The following ATP8A2 variants were observed in gnomAD, a reference collection of about 807,000 sequenced individuals.
ATP8A2 encodes phospholipid-transporting ATPase IB.
In ATP8A2, 100 loss-of-function variants were observed where a neutral mutation model predicts 165.6. The ratio of observed to expected loss-of-function variants is 0.60; its 90% CI spans 0.51 to 0.71. ATP8A2 has a LOEUF of 0.71. Ranked by LOEUF, ATP8A2 falls within the 30% of genes least tolerant of loss-of-function variation. ATP8A2 has a pLI of 0.00. For synonymous variants in ATP8A2, 543 were observed against 548.8 expected, an observed-to-expected ratio of 0.99 and a Z score of 0.15; for missense variants, 1,227 against 1,479.5, an observed-to-expected ratio of 0.83 and a Z score of 2.80.
chr13:25,597,873 T>A (rs983318026), intron 24 of ATP8A2, among the ~76,000 whole-genome samples: 19 of 152,214 alleles, frequency 1.2e-4, no homozygotes, highest in African/African-American at 3.9e-4. Flanking sequence ...TTTTTTAATT[T>A]TGTTGAAGTC....
At chr13:25,619,962 T>A (rs1442581101) in intron 24 of ATP8A2, among the ~76,000 whole-genome samples, 6 of 151,814 alleles carry the variant, frequency 4.0e-5, no homozygotes, top group Non-Finnish European at 7.4e-5. Context: ...AAGAGAGGAG[T>A]CACGAGAAAA....
chr13:25,932,048 CAAA>C (rs112829843), intron 33 of ATP8A2, among the ~76,000 whole-genome samples: 2 of 125,194 alleles, frequency 1.6e-5, no homozygotes. Context: ...AACTCCATCT[CAAA>C]AAAAAAAAAA....
At chr13:25,829,667 G>GGTATGTAT (rs1216186027) in intron 28 of ATP8A2, among the ~76,000 whole-genome samples, 14 of 46,910 alleles carry the variant, frequency 3.0e-4, no homozygotes, top group African/African-American at 1.0e-3. Flanking sequence ...GGACAGGTGT[G>GGTATGTAT]GTATATATAT....
chr13:25,456,760 C>T (rs541777150), intron 1 of ATP8A2, among the ~76,000 whole-genome samples: 4 of 152,266 alleles, frequency 2.6e-5, no homozygotes, highest in East Asian at 1.9e-4. Flanking sequence ...TTAACTTCTG[C>T]GTTATGCACA....
chr13:25,443,103 T>A (rs1177894824), intron 1 of ATP8A2, among the ~76,000 whole-genome samples: 2 of 152,248 alleles, frequency 1.3e-5, no homozygotes, highest in African/African-American at 4.8e-5. Context: ...GTATCATATC[T>A]AAGAAATCAT....
chr13:25,880,679 C>T (rs964066794), intron 33 of ATP8A2, among the ~76,000 whole-genome samples: 3 of 152,100 alleles, frequency 2.0e-5, no homozygotes, highest in Non-Finnish European at 4.4e-5. Flanking sequence ...TTTCCATTCC[C>T]AGGAGCTACT....
intron 33 of ATP8A2, among the ~76,000 whole-genome samples, chr13:25,894,111 G>A (rs1361602617): frequency 6.6e-6 from 1 of 152,162 alleles, no homozygotes; most frequent in Non-Finnish European, 1.5e-5. Flanking sequence ...CCTTGCCCAT[G>A]CCTATGTCCC....
intron 33 of ATP8A2, among the ~76,000 whole-genome samples, chr13:25,935,061 T>A (rs1173430168): frequency 6.6e-6 from 1 of 152,198 alleles, no homozygotes; most frequent in Non-Finnish European, 1.5e-5. Flanking sequence ...TATATATATA[T>A]GTAAAACATT....
At chr13:26,010,014 C>T (rs1000611785) in intron 35 of ATP8A2, among the ~76,000 whole-genome samples, 4 of 152,144 alleles carry the variant, frequency 2.6e-5, no homozygotes, top group South Asian at 4.2e-4. Context: ...TGCAGTGAGC[C>T]GAGATTGCGC....
chr13:25,795,843 G>A (rs1950488324), intron 27 of ATP8A2, among the ~76,000 whole-genome samples: 1 of 152,002 alleles, frequency 6.6e-6, no homozygotes, highest in Non-Finnish European at 1.5e-5. Flanking sequence ...TTAGTCCTTA[G>A]AGAGAAGAAC....
chr13:25,383,780 T>G (rs2032940327), intron 1 of ATP8A2, among the ~76,000 whole-genome samples: 1 of 152,194 alleles, frequency 6.6e-6, no homozygotes, highest in Non-Finnish European at 1.5e-5. Flanking sequence ...CCTTTTCTTC[T>G]CCATAGTGAC....
intron 24 of ATP8A2, among the ~76,000 whole-genome samples, chr13:25,658,039 A>G (rs1185418688): frequency 6.6e-6 from 1 of 152,150 alleles, no homozygotes; most frequent in Non-Finnish European, 1.5e-5. Context: ...GAACTCAGGG[A>G]AGCATTAAAA....
At chr13:25,773,131 G>A (rs2138312241) in intron 26 of ATP8A2, among the ~76,000 whole-genome samples, 1 of 152,262 alleles carries the variant, frequency 6.6e-6, no homozygotes, top group Middle Eastern at 3.4e-3. Flanking sequence ...AATTTCTAAT[G>A]TCCTGGGCAT....
chr13:25,809,497 G>T (rs984517777), intron 27 of ATP8A2, among the ~76,000 whole-genome samples: 1 of 151,910 alleles, frequency 6.6e-6, no homozygotes, highest in African/African-American at 2.4e-5. Flanking sequence ...CTCCCTTTGT[G>T]ATCCACCCCT....
intron 25 of ATP8A2, among the ~76,000 whole-genome samples, chr13:25,717,710 G>A (rs749871673): frequency 2.4e-4 from 37 of 152,166 alleles, no homozygotes; most frequent in Non-Finnish European, 4.9e-4. Flanking sequence ...TAATCTCACC[G>A]ACTGTGTATA....
chr13:25,539,879 G>A (rs1025199429), intron 7 of ATP8A2, among the ~76,000 whole-genome samples: 1 of 152,144 alleles, frequency 6.6e-6, no homozygotes, highest in Non-Finnish European at 1.5e-5. Context: ...CCTGTGCCTC[G>A]ATCCTTCAAC....
chr13:25,496,853 T>TA (rs2036694272), intron 2 of ATP8A2, among the ~76,000 whole-genome samples: 1 of 152,190 alleles, frequency 6.6e-6, no homozygotes, highest in Non-Finnish European at 1.5e-5. Flanking sequence ...ATATTCTTAT[T>TA]AAAATATCAG....
intron 25 of ATP8A2, among the ~76,000 whole-genome samples, chr13:25,701,723 AACACACAC>A (rs71077495): frequency 0.061 from 8,547 of 140,526 alleles, 501 homozygotes; most frequent in African/African-American, 0.16. Context: ...TTGATACTAA[AACACACAC>A]ACACACACAC....
chr13:25,661,252 C>A (rs539937876), intron 24 of ATP8A2, among the ~76,000 whole-genome samples: 29 of 152,318 alleles, frequency 1.9e-4, no homozygotes, highest in African/African-American at 6.7e-4. Flanking sequence ...TACTACTCTT[C>A]CACACCCAAA....
Sources: allele counts gnomAD v4.1 joint callset (sites outside exome capture counted in the v4.1 genomes callset), GRCh38; gene constraint gnomAD v4.1.1; transcripts MANE v1.5; gene names NCBI Gene and HGNC (gene_info 2026-07-23, HGNC 2026-07-21).